FANCA: variants seen among roughly 807,000 people sequenced by gnomAD.
FANCA encodes FA complementation group A.
Under a neutral mutation model 194.3 loss-of-function variants are expected in FANCA, and 236 were observed. The observed-to-expected ratio is 1.21, with a 90% CI of 1.09 to 1.35. FANCA has a LOEUF of 1.35. FANCA is among the 40% of genes most tolerant of loss of function. The pLI, the probability that FANCA is intolerant of heterozygous loss-of-function variation, is 0.00. For synonymous variants in FANCA, 1,014 were observed against 715.8 expected, an observed-to-expected ratio of 1.42 and a Z score of -6.65; for missense variants, 2,628 against 1,813.9, an observed-to-expected ratio of 1.45 and a Z score of -8.15.
chr16:89,773,802 C>G (rs2143372184), intron 21 of FANCA, among the ~76,000 whole-genome samples: 1 of 145,262 alleles, frequency 6.9e-6, no homozygotes, highest in East Asian at 2.0e-4. Flanking sequence ...GAGATGGACT[C>G]TTGCTCTGTC....
intron 29 of FANCA, among the ~76,000 whole-genome samples, chr16:89,759,359 A>G (rs909956852): frequency 2.7e-5 from 4 of 145,620 alleles, no homozygotes; most frequent in African/African-American, 7.5e-5. Context: ...AGTAGCCTGG[A>G]AAGTCACCTG....
rs2062071933 is a variant in FANCA, at chr16:89,739,563, C to T, written c.3935-10G>A. On this transcript the variant is annotated splice_polypyrimidine_tract_variant and intron_variant, in intron 39 of 42. Coordinates refer to ENST00000389301, the MANE Select transcript of FANCA (RefSeq NM_000135.4). ...CGCCCCAGCCTGAGGTCTGCAACACCAAGAAGTGGCTCAGGCAACTCTGGA... is the reference window on the plus strand; with the variant it reads ...CGCCCCAGCCTGAGGTCTGCAACACTAAGAAGTGGCTCAGGCAACTCTGGA... 6.4e-7 allele frequency: 1 copy of T among 1,550,920 alleles called. No homozygotes were observed. Among genetic ancestry groups the T allele is most frequent in the African/African-American group, 1.4e-5 (1 of 73,044 alleles).
chr16:89,816,165 G>T, intron 1 of FANCA, 179 bp from the exon 2 acceptor site: 2 of 658,098 alleles, frequency 3.0e-6, no homozygotes, highest in South Asian at 3.0e-5. Context: ...CACCGCGGAC[G>T]CCGGGGAAGA....
intron 8 of FANCA, among the ~76,000 whole-genome samples, chr16:89,800,486 A>G (rs573058626): frequency 1.7e-4 from 26 of 152,238 alleles, no homozygotes; most frequent in Non-Finnish European, 3.7e-4. Context: ...ATCCAAAACT[A>G]TCTACAGATT....
chr16:89,764,869 G>A (rs371856257), intron 28 of FANCA, 21 bp downstream of exon 28: 1 of 1,611,668 alleles, frequency 6.2e-7, no homozygotes, highest in Non-Finnish European at 8.5e-7. Context: ...GCATGATGCA[G>A]GAGAAGGAAC....
chr16:89,764,618 T>A (rs1357534396), intron 28 of FANCA, among the ~76,000 whole-genome samples: 1 of 152,206 alleles, frequency 6.6e-6, no homozygotes, highest in African/African-American at 2.4e-5. Context: ...GTATAATTTC[T>A]TAAGAGCTGC....
chr16:89,792,850 G>A (rs1033845530), intron 11 of FANCA: 17 of 379,832 alleles, frequency 4.5e-5, no homozygotes, highest in African/African-American at 2.5e-4. Flanking sequence ...GTAAGGTCAC[G>A]TGTCCACTGG....
chr16:89,765,622 C>G (rs1040496313), intron 27 of FANCA, among the ~76,000 whole-genome samples: 1 of 152,256 alleles, frequency 6.6e-6, no homozygotes, highest in African/African-American at 2.4e-5. Flanking sequence ...GGCGTTCCCA[C>G]CAAAAATGCA....
intron 6 of FANCA, among the ~76,000 whole-genome samples, chr16:89,806,060 C>G (rs371403699): frequency 5.3e-5 from 8 of 152,236 alleles, no homozygotes; most frequent in African/African-American, 1.9e-4. Flanking sequence ...TTACAGGCAC[C>G]TGCCACCTTG....
At chr16:89,763,253 A>AAAAATAATAATTT (rs2143272581) in intron 28 of FANCA, among the ~76,000 whole-genome samples, 1 of 152,250 alleles carries the variant, frequency 6.6e-6, no homozygotes, top group African/African-American at 2.4e-5. Flanking sequence ...TCTCCAAAAA[A>AAAAATAATAATTT]AAAAATAATA....
chr16:89,784,188 C>A (rs182560995), intron 15 of FANCA, among the ~76,000 whole-genome samples: 7 of 152,048 alleles, frequency 4.6e-5, no homozygotes, highest in Non-Finnish European at 7.4e-5. Flanking sequence ...CACAGCAAGA[C>A]CCCATCTGTA....
chr16:89,770,317 A>T (rs1421570965), intron 24 of FANCA, 58 bp from the exon 25 acceptor site: 1 of 1,421,696 alleles, frequency 7.0e-7, no homozygotes, highest in African/African-American at 1.4e-5. Flanking sequence ...ACATCCCTCC[A>T]ACAGCTAATC....
At position 89,744,988 on chromosome 16, in the gene FANCA, C is replaced by T. The variant is rs1240994313; in HGVS notation, c.3597G>A (p.Lys1199=). The change falls in exon 36 of 43, where the codon AAG becomes AAA. Residue 1199 remains lysine (K), a synonymous_variant. Coordinates refer to ENST00000389301, the MANE Select transcript of FANCA (RefSeq NM_000135.4). ...TGGCAAACTGCCGGCCTTCTTGTAG[C>T]TTCTGCAGTTCCCGGGGCAGCGGGC... The part of the protein sequence containing the change: ...CQSPLPRELQ[K]LQEGRQFASD... 1.2e-6 allele frequency: 2 copies of T among 1,611,856 alleles called. No homozygotes were observed. The highest frequency in any genetic ancestry group is 8.5e-7 in the Non-Finnish European group (1 of 1,179,896).
chr16:89,800,069 T>A (rs1040013751), intron 8 of FANCA, among the ~76,000 whole-genome samples: 21 of 152,198 alleles, frequency 1.4e-4, no homozygotes, highest in African/African-American at 5.1e-4. Flanking sequence ...ATTACTCCAG[T>A]ACCGAAGGGA....
At chr16:89,806,186 T>G (rs1350143535) in intron 6 of FANCA, among the ~76,000 whole-genome samples, 1 of 152,146 alleles carries the variant, frequency 6.6e-6, no homozygotes, top group African/African-American at 2.4e-5. Context: ...GTGCTGGGAT[T>G]ACAGGTGTGA....
At chr16:89,738,858 C>CACCGT in intron 42 of FANCA, 24 bp downstream of exon 42, 1 of 1,614,228 alleles carries the variant, frequency 6.2e-7, no homozygotes, top group Non-Finnish European at 8.5e-7. Flanking sequence ...CCCACATGGC[C>CACCGT]CAAGGTGGGC....
chr16:89,759,426 C>G (rs2038875102), intron 29 of FANCA, among the ~76,000 whole-genome samples: 1 of 150,394 alleles, frequency 6.6e-6, no homozygotes, highest in African/African-American at 2.4e-5. Context: ...CAACCTGCAT[C>G]CAGACTGTGG....
chr16:89,757,142 A>AT lies in FANCA; in HGVS notation c.2981+1434dup, dbSNP rs576584403. 3.0e-4 allele frequency among the ~76,000 whole-genome samples: 44 copies of AT among 147,632 alleles called. 1 individual carries two copies. Among genetic ancestry groups the AT allele is most frequent in the South Asian group, 1.5e-3 (7 of 4,676 alleles). On this transcript the variant is annotated intron_variant, in intron 30 of 42. Transcript: ENST00000389301. ...AGGCACACACTACCATGCCTGGCTA[A>AT]TTTTTTTTTTTGTCTAGACGGTTTC... is the stretch of plus-strand genomic sequence containing the variant.
At chr16:89,739,955 C>T (rs912770012) in intron 39 of FANCA, 39 bp downstream of exon 39, 3 of 1,611,000 alleles carry the variant, frequency 1.9e-6, no homozygotes, top group African/African-American at 1.3e-5. Context: ...CTGAAAAGAG[C>T]GGCCCTCCGC....
Sources: allele counts gnomAD v4.1 joint callset (sites outside exome capture counted in the v4.1 genomes callset), GRCh38; gene constraint gnomAD v4.1.1; transcripts MANE v1.5; gene names NCBI Gene and HGNC (gene_info 2026-07-23, HGNC 2026-07-21).